CDC23: variants seen among roughly 807,000 people sequenced by gnomAD.
CDC23 encodes the protein cell division cycle protein 23 homolog.
A neutral mutation model predicts 81.7 loss-of-function variants in CDC23; 26 were observed. That is an observed-to-expected ratio of 0.32 (90% CI 0.23 to 0.44). The LOEUF is 0.44. CDC23 is among the 20% of genes least tolerant of loss of function. The pLI is 1.00. For missense variants in CDC23, 519 were observed against 728.0 expected (o/e 0.71, Z 3.30); for synonymous variants, 267 against 270.8 (o/e 0.99, Z 0.14).
At chr5:138,209,024 G>T (rs193248459) in intron 2 of CDC23, among the ~76,000 whole-genome samples, 1 of 152,252 alleles carries the variant, frequency 6.6e-6, no homozygotes, top group East Asian at 1.9e-4. Flanking sequence ...GCCTCAAGCA[G>T]TCCTCCCAAA....
intron 9 of CDC23, among the ~76,000 whole-genome samples, chr5:138,193,873 G>A (rs184346540): frequency 6.6e-6 from 1 of 151,736 alleles, no homozygotes; most frequent in African/African-American, 2.4e-5. Context: ...CAGGAGAATC[G>A]CTTGAACCCA....
At position 138,189,167 on chromosome 5, in the gene CDC23, A is replaced by G; in HGVS notation, c.1624-19T>C. ...CCCGGGTCTGCAACAAAGTCAGGGA[A>G]ATGTTTCAAAACATGTCCAAAGCTA... On this transcript the variant is annotated intron_variant, in intron 15 of 15. Transcript: ENST00000394886. The G allele has an allele frequency of 1.2e-6, 2 of 1,609,054 alleles. No individual in the cohort carries two copies. Among genetic ancestry groups the G allele is most frequent in the Non-Finnish European group, 1.7e-6 (2 of 1,177,218 alleles).
At chr5:138,199,194 C>A (rs1754956348) in intron 6 of CDC23, among the ~76,000 whole-genome samples, 1 of 152,136 alleles carries the variant, frequency 6.6e-6, no homozygotes, top group African/African-American at 2.4e-5. Flanking sequence ...AAAAATCAAA[C>A]TGAACTGGTA....
At chr5:138,200,509 A>C (rs1466418461) in intron 6 of CDC23, among the ~76,000 whole-genome samples, 1 of 152,092 alleles carries the variant, frequency 6.6e-6, no homozygotes, top group Non-Finnish European at 1.5e-5. Context: ...AAACTACAAC[A>C]ATATTCAGTC....
chr5:138,198,058 C>G lies in CDC23; in HGVS notation c.1012+141G>C, dbSNP rs542959125. ...ACTGCTGCCCTGACATCTGGGCTCTCAAGCGATCCTCCCGCCTCAGTCTCC... is the reference window on the plus strand; with the variant it reads ...ACTGCTGCCCTGACATCTGGGCTCTGAAGCGATCCTCCCGCCTCAGTCTCC... On this transcript the variant is annotated intron_variant, in intron 9 of 15. Transcript: ENST00000394886. 1.3e-5 allele frequency: 8 copies of G among 635,080 alleles called. No homozygotes were observed. The East Asian group carries it at 2.3e-4, about 18-fold the overall frequency. The allele number at this position is 635,080 out of a possible 1,614,324, so 39.3% of individuals were successfully genotyped here. A position where few individuals can be genotyped will look rare whatever the true frequency, so the allele number is the denominator to read the frequency against.
At position 138,202,809 on chromosome 5, in the gene CDC23, T is replaced by C. The variant is rs1191594425; in HGVS notation, c.373-654A>G. On this transcript the variant is annotated intron_variant, in intron 3 of 15. Coordinates refer to ENST00000394886, the MANE Select transcript of CDC23 (RefSeq NM_004661.4). ...AATGTAGACAAAATGCTAGAGTAGA[T>C]AATCATCATTTTGAAACATTATAGT... Among the ~76,000 whole-genome samples, 6 of 152,328 alleles carry C rather than the reference T, an allele frequency of 3.9e-5. No homozygotes were observed. In the East Asian group the frequency reaches 9.6e-4, roughly 24 times the overall value.
chr5:138,206,031 T>C (rs1755044452), intron 3 of CDC23: 1 of 153,448 alleles, frequency 6.5e-6, no homozygotes, highest in Non-Finnish European at 1.5e-5. Flanking sequence ...AAATGTTTTT[T>C]TAATCAATTT....
At position 138,198,773 on chromosome 5, in the gene CDC23, G is replaced by A; in HGVS notation, c.664C>T (p.Leu222=). 6.2e-7 allele frequency: 1 copy of A among 1,613,586 alleles called. No homozygotes were observed. The change falls in exon 7 of 16, where the codon CTG becomes TTG. Residue 222 remains leucine (L), a synonymous_variant. Transcript: ENST00000394886. Reference sequence around the variant, plus strand: ...TTCATCCAGGTGTCTGGCAAAGACAGGAACTTCAGCTGGCAGCAGGAGAGA... The same window carrying A: ...TTCATCCAGGTGTCTGGCAAAGACAAGAACTTCAGCTGGCAGCAGGAGAGA... The part of the protein sequence containing the change: ...LITDKEMLKF[L]SLPDTWMKEF...
chr5:138,195,828 A>AT (rs1452160656), intron 9 of CDC23, among the ~76,000 whole-genome samples: 21 of 131,410 alleles, frequency 1.6e-4, no homozygotes, highest in African/African-American at 5.4e-4. Context: ...TATAATATAT[A>AT]TTATATACAT....
intron 3 of CDC23, 91 bp from the exon 4 acceptor site, chr5:138,202,246 G>A (rs1376031466): frequency 5.8e-6 from 5 of 866,864 alleles, no homozygotes; most frequent in Non-Finnish European, 9.2e-6. Context: ...AAAGGGCCAA[G>A]TTCAACCAAA....
At chr5:138,191,002 A>T (rs1754821063) in intron 13 of CDC23, among the ~76,000 whole-genome samples, 1 of 152,222 alleles carries the variant, frequency 6.6e-6, no homozygotes, top group Admixed American at 6.5e-5. Context: ...TTAGCAGGAA[A>T]TTAATACTGA....
At chr5:138,193,110 T>C (rs1445241714) in intron 9 of CDC23, among the ~76,000 whole-genome samples, 1 of 152,158 alleles carries the variant, frequency 6.6e-6, no homozygotes, top group Admixed American at 6.6e-5. Flanking sequence ...TTAAATTTTT[T>C]TGTGGAGACA....
intron 9 of CDC23, among the ~76,000 whole-genome samples, chr5:138,193,682 G>T: frequency 6.6e-6 from 1 of 151,724 alleles, no homozygotes; most frequent in African/African-American, 2.4e-5. Flanking sequence ...ATTCTGACCA[G>T]GAGTGGTGGA....
In CDC23 at chr5:138,201,176, A is replaced by C. The variant is rs1396697467; in HGVS notation, c.585T>G (p.Ala195=). The change falls in exon 6 of 16, where the codon GCT becomes GCG. Residue 195 remains alanine (A), a synonymous_variant. Transcript: ENST00000394886. The part of the protein sequence containing the change: ...VKEAIDVFVE[A]THVLPLHWGA... The stretch of plus-strand genomic sequence containing the variant: ...CCCAATGCAAGGGCAAAACATGAGT[A>C]GCTTCCACAAACACATCAATGGCCT... 2 of 1,614,118 alleles carry C rather than the reference A, an allele frequency of 1.2e-6. No individual in the cohort carries two copies. Among genetic ancestry groups the C allele is most frequent in the Admixed American group, 3.3e-5 (2 of 60,008 alleles).
At position 138,188,968 on chromosome 5, in the gene CDC23, G is replaced by C; in HGVS notation, c.*10C>G. On this transcript the variant is annotated 3_prime_UTR_variant, in exon 16 of 16. Transcript: ENST00000394886. ...TGGGTCTAACAATGTGCTGGCTTGAGAGTAGCCAACTATGGCGTGACAGAA... is the reference window on the plus strand; with the variant it reads ...TGGGTCTAACAATGTGCTGGCTTGACAGTAGCCAACTATGGCGTGACAGAA... 3 of 1,613,094 alleles carry C rather than the reference G, an allele frequency of 1.9e-6. No homozygotes were observed. The highest frequency in any genetic ancestry group is 2.5e-6 in the Non-Finnish European group (3 of 1,179,312).
At chr5:138,194,131 G>A (rs767738520) in intron 9 of CDC23, among the ~76,000 whole-genome samples, 2 of 152,108 alleles carry the variant, frequency 1.3e-5, no homozygotes, top group Non-Finnish European at 2.9e-5. Flanking sequence ...ATCCAAACAT[G>A]GAATACTACT....
chr5:138,191,479 C>T lies in CDC23; in HGVS notation c.1419G>A (p.Leu473=). Reference sequence around the variant, plus strand: ...ATTTCACTCCTTTCACTCACTTTGCCAGTTTCACCAGAGCCATTTTCTCCA... The same window carrying T: ...ATTTCACTCCTTTCACTCACTTTGCTAGTTTCACCAGAGCCATTTTCTCCA... The part of the protein sequence containing the change: ...GDVEKMALVK[L]AKLHEQLTES... The change falls in exon 13 of 16, where the codon CTG becomes CTA. Residue 473 remains leucine (L), a synonymous_variant. Coordinates refer to ENST00000394886, the MANE Select transcript of CDC23 (RefSeq NM_004661.4). 6.2e-7 allele frequency: 1 copy of T among 1,614,034 alleles called. No homozygotes were observed. Among genetic ancestry groups the T allele is most frequent in the Non-Finnish European group, 8.5e-7 (1 of 1,179,892 alleles).
chr5:138,213,107 A>T (rs777049524), intron 1 of CDC23, 44 bp from the exon 2 acceptor site: 1 of 1,613,914 alleles, frequency 6.2e-7, no homozygotes, highest in Non-Finnish European at 8.5e-7. Context: ...AAGCCCCCCA[A>T]GGCCAAGGAT....
chr5:138,192,872 A>G (rs1014900190), intron 9 of CDC23, among the ~76,000 whole-genome samples: 2 of 152,176 alleles, frequency 1.3e-5, no homozygotes, highest in African/African-American at 4.8e-5. Flanking sequence ...ATTCTTAAAC[A>G]CTGCAAGTTT....
Sources: allele counts gnomAD v4.1 joint callset (sites outside exome capture counted in the v4.1 genomes callset), GRCh38; gene constraint gnomAD v4.1.1; transcripts MANE v1.5; gene names NCBI Gene and HGNC (gene_info 2026-07-23, HGNC 2026-07-21).